The following CACNA2D1 variants were observed in gnomAD, a reference collection of about 807,000 sequenced individuals.
CACNA2D1 encodes the protein voltage-dependent calcium channel subunit alpha-2/delta-1.
In CACNA2D1, 53 loss-of-function variants were observed where a neutral mutation model predicts 171.5. The observed-to-expected ratio is 0.31, with a 90% CI of 0.25 to 0.39. CACNA2D1 has a LOEUF of 0.39. Among genes scored for constraint, CACNA2D1 ranks in the 10% least tolerant of loss-of-function variants. CACNA2D1 has a pLI of 1.00. For synonymous variants in CACNA2D1, 442 were observed against 443.1 expected (o/e 1.00, Z 0.03); for missense variants, 903 against 1,299.8 (o/e 0.69, Z 4.69).
chr7:82,310,565 G>A (rs905910587), intron 3 of CACNA2D1, among the ~76,000 whole-genome samples: 21 of 151,750 alleles, frequency 1.4e-4, no homozygotes, highest in African/African-American at 5.1e-4. Flanking sequence ...GCTATAATTT[G>A]TTTTTTTCTT....
At chr7:82,337,721 C>T (rs971340107) in intron 2 of CACNA2D1, among the ~76,000 whole-genome samples, 1 of 152,144 alleles carries the variant, frequency 6.6e-6, no homozygotes, top group African/African-American at 2.4e-5. Context: ...ACATGCTGTG[C>T]AAAACTGGCC....
At chr7:81,970,571 G>GCAAT in intron 27 of CACNA2D1, 104 bp downstream of exon 27, 1 of 758,510 alleles carries the variant, frequency 1.3e-6, no homozygotes, top group South Asian at 1.4e-5. Flanking sequence ...TAATCTAATG[G>GCAAT]CAATCAGTTT....
intron 1 of CACNA2D1, among the ~76,000 whole-genome samples, chr7:82,439,142 A>G (rs778047257): frequency 6.6e-6 from 1 of 152,092 alleles, no homozygotes; most frequent in Non-Finnish European, 1.5e-5. Flanking sequence ...AGAAACCTTA[A>G]GAGGTGCTTT....
At chr7:81,998,609 G>C (rs1264618267) in intron 18 of CACNA2D1, among the ~76,000 whole-genome samples, 1 of 151,690 alleles carries the variant, frequency 6.6e-6, no homozygotes, top group Non-Finnish European at 1.5e-5. Context: ...CATTCTTAAA[G>C]GCAAATTTTA....
intron 38 of CACNA2D1, among the ~76,000 whole-genome samples, chr7:81,953,055 A>G (rs577631012): frequency 5.3e-5 from 8 of 152,004 alleles, no homozygotes; most frequent in African/African-American, 1.9e-4. Context: ...ACACCTGTCT[A>G]ATTTTTTATA....
intron 1 of CACNA2D1, among the ~76,000 whole-genome samples, chr7:82,358,358 G>A (rs1443130156): frequency 6.6e-6 from 1 of 152,156 alleles, no homozygotes; most frequent in Non-Finnish European, 1.5e-5. Flanking sequence ...TTGGTATAAA[G>A]GGAGTGCTTG....
intron 7 of CACNA2D1, among the ~76,000 whole-genome samples, chr7:82,082,037 G>T (rs1337498871): frequency 6.6e-6 from 1 of 152,198 alleles, no homozygotes; most frequent in East Asian, 1.9e-4. Flanking sequence ...TGACCCTGAA[G>T]CATGTGTTAC....
At chr7:82,127,572 A>G (rs974700227) in intron 5 of CACNA2D1, among the ~76,000 whole-genome samples, 1 of 152,220 alleles carries the variant, frequency 6.6e-6, no homozygotes, top group Non-Finnish European at 1.5e-5. Context: ...CACATATTCT[A>G]TTGTATAAGG....
intron 1 of CACNA2D1, among the ~76,000 whole-genome samples, chr7:82,430,490 T>C (rs73388040): frequency 0.014 from 2,136 of 152,094 alleles, 42 homozygotes; most frequent in African/African-American, 0.046. Context: ...GTTGTAATCA[T>C]TAATCATTAG....
chr7:82,220,781 C>CTT (rs71093369), intron 3 of CACNA2D1, among the ~76,000 whole-genome samples: 6,207 of 134,352 alleles, frequency 0.046, 391 homozygotes, highest in Admixed American at 0.13. Flanking sequence ...TTTCTTTTTT[C>CTT]TTTTTTTTTT....
chr7:82,387,781 T>C (rs1301725706), intron 1 of CACNA2D1, among the ~76,000 whole-genome samples: 1 of 152,104 alleles, frequency 6.6e-6, no homozygotes, highest in East Asian at 1.9e-4. Flanking sequence ...GTTGTGCCTG[T>C]TCAAATTTAA....
chr7:82,412,386 G>T (rs190238722), intron 1 of CACNA2D1, among the ~76,000 whole-genome samples: 1 of 150,330 alleles, frequency 6.7e-6, no homozygotes, highest in Admixed American at 6.7e-5. Context: ...GGGTTCAAGC[G>T]ATTCTCCTCC....
At chr7:82,222,049 CT>C (rs1395095291) in intron 3 of CACNA2D1, among the ~76,000 whole-genome samples, 1 of 152,000 alleles carries the variant, frequency 6.6e-6, no homozygotes, top group Non-Finnish European at 1.5e-5. Context: ...AGGTCACATT[CT>C]TTTAGGTGAC....
At chr7:82,287,598 A>G (rs969727681) in intron 3 of CACNA2D1, among the ~76,000 whole-genome samples, 4 of 152,184 alleles carry the variant, frequency 2.6e-5, no homozygotes, top group Admixed American at 6.5e-5. Flanking sequence ...GAGGTGACCC[A>G]AATTCTCAAA....
intron 2 of CACNA2D1, among the ~76,000 whole-genome samples, chr7:82,338,190 T>A (rs981811974): frequency 3.9e-5 from 6 of 152,148 alleles, no homozygotes; most frequent in African/African-American, 1.4e-4. Context: ...TAAAAAATGA[T>A]ATTACTCAAT....
At chr7:82,423,256 C>T (rs1340087196) in intron 1 of CACNA2D1, among the ~76,000 whole-genome samples, 2 of 151,982 alleles carry the variant, frequency 1.3e-5, no homozygotes, top group Admixed American at 1.3e-4. Context: ...GAGAACTCAA[C>T]CTGCCCCAGG....
chr7:82,214,699 C>T (rs915893450), intron 3 of CACNA2D1, among the ~76,000 whole-genome samples: 4 of 152,104 alleles, frequency 2.6e-5, no homozygotes, highest in Admixed American at 1.3e-4. Flanking sequence ...GCAGCCAATC[C>T]ATACATACAA....
chr7:82,185,919 G>A lies in CACNA2D1; in HGVS notation c.295-15310C>T, dbSNP rs528788434. 3.9e-5 allele frequency among the ~76,000 whole-genome samples: 6 copies of A among 152,090 alleles called. 1 individual carries two copies. The South Asian group carries it at 6.2e-4, about 16-fold the overall frequency. On this transcript the variant is annotated intron_variant, in intron 3 of 38. Coordinates refer to ENST00000356860, the MANE Select transcript of CACNA2D1 (RefSeq NM_000722.4). ...CACCTGTAGTCCCAGCACTTTGGGA[G>A]GCCTAGGCAGGCGGATCACCTGAGG...
intron 4 of CACNA2D1, among the ~76,000 whole-genome samples, chr7:82,155,652 C>T (rs941564013): frequency 6.6e-6 from 1 of 152,134 alleles, no homozygotes; most frequent in African/African-American, 2.4e-5. Context: ...AAAATTGGTT[C>T]ATCAAAGCTA....
Sources: allele counts gnomAD v4.1 joint callset (sites outside exome capture counted in the v4.1 genomes callset), GRCh38; gene constraint gnomAD v4.1.1; transcripts MANE v1.5; gene names NCBI Gene and HGNC (gene_info 2026-07-23, HGNC 2026-07-21).